The following PARP16 variants were observed in gnomAD, a reference collection of about 807,000 sequenced individuals.
PARP16 encodes the protein poly(ADP-ribose) polymerase family member 16.
In PARP16, 31 loss-of-function variants were observed where a neutral mutation model predicts 35.0. The observed-to-expected ratio is 0.88, with a 90% CI of 0.66 to 1.19. The LOEUF (loss-of-function observed/expected upper bound fraction) is 1.19, where lower values mean the gene tolerates loss of function less well. Among genes scored for constraint, PARP16 ranks in the 50% most tolerant of loss-of-function variants. The probability of loss-of-function intolerance (pLI) is 0.00; values close to 1 mark genes in which losing one functional copy is unlikely to be tolerated. For synonymous variants in PARP16, 162 were observed against 169.5 expected (o/e 0.96, Z 0.34); for missense variants, 424 against 411.2 (o/e 1.03, Z -0.27).
chr15:65,241,214 C>T (rs1359836561), intron 3 of PARP16, among the ~76,000 whole-genome samples: 1 of 151,298 alleles, frequency 6.6e-6, no homozygotes, highest in African/African-American at 2.4e-5. Flanking sequence ...GATCTCAGCT[C>T]ACTGCAACCT....
chr15:65,277,303 C>A (rs566918556), intron 1 of PARP16, among the ~76,000 whole-genome samples: 7 of 152,182 alleles, frequency 4.6e-5, no homozygotes, highest in Non-Finnish European at 7.3e-5. Flanking sequence ...TAATTGTATT[C>A]TATTGTGTTC....
intron 1 of PARP16, among the ~76,000 whole-genome samples, chr15:65,280,665 G>T (rs1415832028): frequency 6.6e-6 from 1 of 152,186 alleles, no homozygotes; most frequent in African/African-American, 2.4e-5. Flanking sequence ...TATCTTAAAG[G>T]ATGAGAGGGA....
chr15:65,276,673 T>TA (rs1220485869), intron 1 of PARP16, among the ~76,000 whole-genome samples: 2 of 151,890 alleles, frequency 1.3e-5, no homozygotes, highest in African/African-American at 4.8e-5. Context: ...AGCCAACAAA[T>TA]TTTTTTTAGT....
downstream of PARP16, among the ~76,000 whole-genome samples, chr15:65,254,644 G>A (rs952406171): frequency 6.6e-6 from 1 of 152,104 alleles, no homozygotes; most frequent in Non-Finnish European, 1.5e-5. Flanking sequence ...TCCAGCCCCA[G>A]GGCCTAAGAA....
intron 2 of PARP16, 107 bp from the exon 3 acceptor site, chr15:65,266,875 A>G: frequency 1.3e-6 from 1 of 759,602 alleles, no homozygotes; most frequent in Non-Finnish European, 2.2e-6. Context: ...TCTGCTCATG[A>G]GAACAACAGG....
intron 3 of PARP16, among the ~76,000 whole-genome samples, chr15:65,237,670 G>T (rs2088923409): frequency 6.6e-6 from 1 of 152,136 alleles, no homozygotes; most frequent in Admixed American, 6.5e-5. Context: ...CTCCCCTAGA[G>T]CCTCCAGAGG....
chr15:65,238,208 C>T (rs547145271), intron 3 of PARP16, among the ~76,000 whole-genome samples: 267 of 152,196 alleles, frequency 1.8e-3, no homozygotes, highest in Non-Finnish European at 3.2e-3. Context: ...TGCTTGAACC[C>T]GGGAGGCAGA....
intron 2 of PARP16, among the ~76,000 whole-genome samples, chr15:65,252,607 T>C (rs138338840): frequency 1.8e-3 from 272 of 152,352 alleles, no homozygotes; most frequent in African/African-American, 6.3e-3. Context: ...GGTCCTCCTT[T>C]GGCCAAATGG....
intron 1 of PARP16, among the ~76,000 whole-genome samples, chr15:65,283,756 C>T (rs972495702): frequency 6.6e-6 from 1 of 152,164 alleles, no homozygotes; most frequent in Non-Finnish European, 1.5e-5. Context: ...AACCTCTCCA[C>T]GGGTTAATCC....
chr15:65,248,470 C>T (rs1229115149), intron 2 of PARP16, among the ~76,000 whole-genome samples: 1 of 152,014 alleles, frequency 6.6e-6, no homozygotes, highest in Non-Finnish European at 1.5e-5. Flanking sequence ...CTCAAAGATA[C>T]TCACATACAT....
chr15:65,265,939 T>A (rs190431384), intron 3 of PARP16, among the ~76,000 whole-genome samples: 8 of 152,218 alleles, frequency 5.3e-5, no homozygotes, highest in Admixed American at 5.2e-4. Context: ...TTTTATTTTT[T>A]AATTTTTGAG....
intron 2 of PARP16, among the ~76,000 whole-genome samples, chr15:65,251,985 C>T (rs546878476): frequency 1.9e-4 from 29 of 152,086 alleles, no homozygotes; most frequent in Non-Finnish European, 4.0e-4. Flanking sequence ...AGGATGGTCT[C>T]GATCTCCTGA....
At chr15:65,281,652 T>C (rs1297821338) in intron 1 of PARP16, among the ~76,000 whole-genome samples, 7 of 150,672 alleles carry the variant, frequency 4.6e-5, no homozygotes, top group Non-Finnish European at 1.0e-4. Flanking sequence ...GACCGCGCCA[T>C]TGCACTCCAG....
intron 2 of PARP16, among the ~76,000 whole-genome samples, chr15:65,248,662 T>TGAGA (rs1173636410): frequency 6.6e-6 from 1 of 151,868 alleles, no homozygotes; most frequent in Admixed American, 6.6e-5. Flanking sequence ...AGACTGGGAG[T>TGAGA]GAGACATTTG....
intron 1 of PARP16, among the ~76,000 whole-genome samples, chr15:65,277,253 C>T (rs1482749079): frequency 2.0e-5 from 3 of 152,144 alleles, no homozygotes; most frequent in African/African-American, 7.2e-5. Context: ...TCACCTCCCA[C>T]GTGAAGCCTT....
intron 3 of PARP16, among the ~76,000 whole-genome samples, chr15:65,247,883 C>T (rs1278095159): frequency 6.7e-6 from 1 of 148,202 alleles, no homozygotes; most frequent in Non-Finnish European, 1.5e-5. Flanking sequence ...CGGCTCACTG[C>T]AACCTCCACT....
intron 3 of PARP16, among the ~76,000 whole-genome samples, chr15:65,246,484 G>A (rs762629627): frequency 6.6e-5 from 10 of 152,328 alleles, no homozygotes; most frequent in Non-Finnish European, 7.3e-5. Flanking sequence ...GGAGGCAGAC[G>A]CCCTCCGCCT....
At position 65,263,385 on chromosome 15, in the gene PARP16, C is replaced by T. The variant is rs181522872; in HGVS notation, c.520-65G>A. 63 of 1,330,018 alleles carry T rather than the reference C, an allele frequency of 4.7e-5. 1 individual carries two copies. Among genetic ancestry groups the T allele is most frequent in the South Asian group, 2.6e-4 (18 of 70,282 alleles). The allele number at this position is 1,330,018 out of a possible 1,614,324, so 82.4% of individuals were successfully genotyped here. ...TGAATGTACAGTTGGCACGGCAAGA[C>T]GACACAGGTCTCTCTTCAAGAGTTG... On this transcript the variant is annotated intron_variant, in intron 3 of 5. Coordinates refer to ENST00000649807, the MANE Select transcript of PARP16 (RefSeq NM_001316943.2).
chr15:65,268,247 T>C (rs1289284448), intron 2 of PARP16, among the ~76,000 whole-genome samples: 1 of 152,096 alleles, frequency 6.6e-6, no homozygotes, highest in African/African-American at 2.4e-5. Flanking sequence ...GGCTTGTCTT[T>C]CCTTCTTTGC....
Sources: gnomAD v4.1 joint callset for allele counts (sites outside exome capture counted in the v4.1 genomes callset) on GRCh38, gnomAD v4.1.1 for gene constraint, MANE v1.5 for transcripts, NCBI Gene and HGNC (gene_info 2026-07-23, HGNC 2026-07-21) for gene names.